The following IQGAP3 variants were observed in gnomAD, a reference collection of about 807,000 sequenced individuals.
IQGAP3 encodes IQ motif containing GTPase activating protein 3, also known as ras GTPase-activating-like protein IQGAP3.
A neutral mutation model predicts 208.2 loss-of-function variants in IQGAP3; 165 were observed. The observed-to-expected ratio is 0.79, with a 90% CI of 0.70 to 0.90. The LOEUF (loss-of-function observed/expected upper bound fraction) is 0.90. IQGAP3 is among the 40% of genes least tolerant of loss of function. The pLI, the probability that IQGAP3 is intolerant of heterozygous loss-of-function variation, is 0.00. For synonymous variants in IQGAP3, 703 were observed against 803.6 expected, an observed-to-expected ratio of 0.87 and a Z score of 2.12; for missense variants, 1,811 against 2,043.1, an observed-to-expected ratio of 0.89 and a Z score of 2.19.
chr1:156,548,727 A>G lies in IQGAP3; in HGVS notation c.1847T>C (p.Ile616Thr). 1 of 1,583,966 alleles carries G rather than the reference A, an allele frequency of 6.3e-7. No homozygotes were observed. The highest frequency in any genetic ancestry group is 8.6e-7 in the Non-Finnish European group (1 of 1,164,484). Residue 616 changes from isoleucine (I) to threonine (T), a missense_variant, in exon 17 of 38, where the codon ATC (isoleucine) becomes ACC (threonine). By Grantham distance (89) the Ile-to-Thr change is moderately conservative (BLOSUM62 -1). Transcript: ENST00000361170. ...CTTGCCCTCCTTGATGGCTTGATTG[A>G]TGGCAGCCACACCAAGAGCCACTGA... is the stretch of plus-strand genomic sequence containing the variant. ...AQRMALGVAA[I>T]NQAIKEGKAA... is the part of the protein sequence containing the mutation.
chr1:156,543,842 G>C (rs937359927), intron 22 of IQGAP3, 139 bp downstream of exon 22: 1 of 738,728 alleles, frequency 1.4e-6, no homozygotes, highest in African/African-American at 1.7e-5. Flanking sequence ...TACAACTCCT[G>C]TTCCATGCTC....
In IQGAP3 at chr1:156,529,928, A is replaced by AAAAAAAAG. The variant is rs1553221888; in HGVS notation, c.4404+176_4404+177insCTTTTTTT. Among the ~76,000 whole-genome samples, 893 of 150,086 alleles carry AAAAAAAAG rather than the reference A, an allele frequency of 5.9e-3. 21 individuals carry two copies. Among genetic ancestry groups the AAAAAAAAG allele is most frequent in the African/African-American group, 0.021 (837 of 39,842 alleles). On this transcript the variant is annotated intron_variant, in intron 34 of 37. Transcript: ENST00000361170. The stretch of plus-strand genomic sequence containing the variant: ...AGTGAGACTGTCTCAAAAAAAAAAA[A>AAAAAAAAG]AAAAAAGAAAAAAAAATCTTTCCTT...
chr1:156,547,169 A>G (rs371271916), intron 19 of IQGAP3, among the ~76,000 whole-genome samples: 3 of 152,108 alleles, frequency 2.0e-5, no homozygotes, highest in African/African-American at 4.8e-5. Flanking sequence ...TCATGTCTCA[A>G]TTACTTATGG....
At chr1:156,572,147 G>A (rs1676677019) in intron 1 of IQGAP3, among the ~76,000 whole-genome samples, 1 of 152,222 alleles carries the variant, frequency 6.6e-6, no homozygotes, top group African/African-American at 2.4e-5. Context: ...GTCTTGTCCG[G>A]TGGCATCGCT....
chr1:156,555,229 C>G (rs1172163542), intron 12 of IQGAP3, among the ~76,000 whole-genome samples: 1 of 151,978 alleles, frequency 6.6e-6, no homozygotes, highest in Non-Finnish European at 1.5e-5. Context: ...TCTAGAGCAC[C>G]CTTCCTATTT....
At position 156,534,650 on chromosome 1, in the gene IQGAP3, A is replaced by C; in HGVS notation, c.3591T>G (p.Ala1197=). Residue 1197 remains alanine, a synonymous_variant, in exon 29 of 38, where the codon GCT becomes GCG. Coordinates refer to ENST00000361170, the MANE Select transcript of IQGAP3 (RefSeq NM_178229.5). ...GCTGGGGGGCAGCCAGGGCTCCACC[A>C]GCTGCCATGGCCACAATGTCGAAGG... is the stretch of plus-strand genomic sequence containing the variant. ...PDAFDIVAMA[A]GGALAAPQRH... 6.2e-7 allele frequency: 1 copy of C among 1,612,000 alleles called. No homozygotes were observed. The highest frequency in any genetic ancestry group is 8.5e-7 in the Non-Finnish European group (1 of 1,179,632).
rs758946296 is a variant in IQGAP3, at chr1:156,533,785, G to A, written c.3964C>T (p.Pro1322Ser). 3.7e-6 allele frequency: 6 copies of A among 1,613,430 alleles called. No individual in the cohort carries two copies. The South Asian group carries it at 5.5e-5, about 15-fold the overall frequency. ...GGAGGGCACGTACCAATAAGGTCAG[G>A]GATGGTGGGCAGCTCCCCAAGATCC... ...LEDLGELPTI[P>S]DLIGESIAAD... Residue 1322 changes from proline (P) to serine (S), a missense_variant, in exon 31 of 38, where the codon CCT becomes TCT. Coordinates refer to ENST00000361170, the MANE Select transcript of IQGAP3 (RefSeq NM_178229.5).
chr1:156,543,645 T>G (rs1675089244), intron 22 of IQGAP3, among the ~76,000 whole-genome samples: 1 of 152,216 alleles, frequency 6.6e-6, no homozygotes, highest in Non-Finnish European at 1.5e-5. Context: ...CAGGCCTTGT[T>G]TGTGCTGGGC....
intron 19 of IQGAP3, among the ~76,000 whole-genome samples, chr1:156,546,338 CTCTT>C (rs1452528906): frequency 2.0e-5 from 3 of 152,182 alleles, no homozygotes; most frequent in Non-Finnish European, 4.4e-5. Context: ...GGCTACCCCT[CTCTT>C]TCTCTGTCTC....
chr1:156,564,656 T>C lies in IQGAP3; in HGVS notation c.396A>G (p.Lys132=). 1.9e-6 allele frequency: 3 copies of C among 1,613,948 alleles called. No homozygotes were observed. Among genetic ancestry groups the C allele is most frequent in the Non-Finnish European group, 2.5e-6 (3 of 1,179,888 alleles). ...FFPETTDIYD[K]KNMPRVVYCI... is the part of the protein sequence containing the mutation. ...AGTAGACTACCCGGGGCATGTTCTT[T>C]TTGTCATAGATGTCCGTGGTCTCTG... Residue 132 remains lysine (K), a synonymous_variant, in exon 5 of 38, where the codon AAA becomes AAG. Coordinates refer to ENST00000361170, the MANE Select transcript of IQGAP3 (RefSeq NM_178229.5).
chr1:156,531,525 G>T (rs1196152941), intron 32 of IQGAP3, among the ~76,000 whole-genome samples: 9 of 151,860 alleles, frequency 5.9e-5, no homozygotes, highest in Non-Finnish European at 1.0e-4. Context: ...CCCTCTTGGT[G>T]GTGCTCTGTG....
At position 156,534,703 on chromosome 1, in the gene IQGAP3, G is replaced by C; in HGVS notation, c.3538C>G (p.Leu1180Val). ...VVGNLLYYRF[L>V]NPAVVAPDAF... is the part of the protein sequence containing the mutation. Reference sequence around the variant, plus strand: ...TCAGGAGCCACCACAGCTGGGTTCAGGAAGCGGTAGTACAGGAGGTTCCCG... The same window carrying C: ...TCAGGAGCCACCACAGCTGGGTTCACGAAGCGGTAGTACAGGAGGTTCCCG... Residue 1180 changes from leucine to valine, a missense_variant, in exon 29 of 38, where the codon CTG becomes GTG. Transcript: ENST00000361170. 1 of 1,603,152 alleles carries C rather than the reference G, an allele frequency of 6.2e-7. No homozygotes were observed.
At chr1:156,563,472 A>T in intron 7 of IQGAP3, 81 bp downstream of exon 7, 1 of 1,368,502 alleles carries the variant, frequency 7.3e-7, no homozygotes. Context: ...AGCTGGCCAG[A>T]ACCCATCCAA....
intron 13 of IQGAP3, among the ~76,000 whole-genome samples, 184 bp from the exon 14 acceptor site, chr1:156,552,279 A>C (rs759736596): frequency 1.3e-5 from 2 of 152,170 alleles, no homozygotes; most frequent in Non-Finnish European, 2.9e-5. Context: ...ACATCTAAAC[A>C]TGGGAGCATC....
At chr1:156,564,405 T>A (rs902507846) in intron 5 of IQGAP3, among the ~76,000 whole-genome samples, 1 of 152,198 alleles carries the variant, frequency 6.6e-6, no homozygotes, top group Non-Finnish European at 1.5e-5. Flanking sequence ...CTGCCTGCCC[T>A]TCCCCTTCAC....
intron 2 of IQGAP3, among the ~76,000 whole-genome samples, chr1:156,568,836 A>C (rs1020820341): frequency 4.6e-5 from 7 of 152,216 alleles, no homozygotes; most frequent in Non-Finnish European, 1.0e-4. Flanking sequence ...ATAGACACCC[A>C]TCTCTAAAAA....
rs768306533 is a variant in IQGAP3, at chr1:156,566,017, C to T, written c.360+10G>A. On this transcript the variant is annotated intron_variant, in intron 4 of 37. Coordinates refer to ENST00000361170, the MANE Select transcript of IQGAP3 (RefSeq NM_178229.5). ...TAAAGATGAATACCAATCTTCAGGC[C>T]CAGTATTACCGAAGGCAGACCGATG... 2 of 1,604,148 alleles carry T rather than the reference C, an allele frequency of 1.2e-6. No individual in the cohort carries two copies. Among genetic ancestry groups the T allele is most frequent in the Non-Finnish European group, 1.7e-6 (2 of 1,171,026 alleles).
intron 13 of IQGAP3, 147 bp from the exon 14 acceptor site, chr1:156,552,242 T>TGACA: frequency 1.0e-6 from 1 of 1,001,942 alleles, no homozygotes; most frequent in African/African-American, 1.6e-5. Flanking sequence ...CTATTCTTTC[T>TGACA]GAGACACCTC....
chr1:156,552,198 C>G, intron 13 of IQGAP3, 103 bp from the exon 14 acceptor site: 2 of 1,381,888 alleles, frequency 1.4e-6, no homozygotes, highest in South Asian at 1.4e-5. Context: ...CTCCAGGACA[C>G]CACACTCTTT....
Sources: allele counts gnomAD v4.1 joint callset (sites outside exome capture counted in the v4.1 genomes callset), GRCh38; gene constraint gnomAD v4.1.1; transcripts MANE v1.5; gene names NCBI Gene and HGNC (gene_info 2026-07-23, HGNC 2026-07-21).